PPP4R3B: variants seen among roughly 807,000 people sequenced by gnomAD.
PPP4R3B encodes the protein serine/threonine-protein phosphatase 4 regulatory subunit 3B.
PPP4R3B carries 52 observed loss-of-function variants against 95.4 expected under a neutral mutation model. The ratio of observed to expected loss-of-function variants is 0.54; its 90% confidence interval spans 0.44 to 0.69. The LOEUF (loss-of-function observed/expected upper bound fraction) is 0.69. Ranked by LOEUF, PPP4R3B falls within the 30% of genes least tolerant of loss-of-function variation. The pLI is 0.00. For missense variants in PPP4R3B, 1,003 were observed against 1,005.9 expected, an observed-to-expected ratio of 1.00 and a Z score of 0.04; for synonymous variants, 407 against 343.9, an observed-to-expected ratio of 1.18 and a Z score of -2.03.
At chr2:55,566,808 A>G (rs1209454730) in intron 13 of PPP4R3B, among the ~76,000 whole-genome samples, 1 of 152,104 alleles carries the variant, frequency 6.6e-6, no homozygotes, top group Non-Finnish European at 1.5e-5. Flanking sequence ...GGCGTTTGAG[A>G]CCAGCCTGGG....
intron 1 of PPP4R3B, 91 bp downstream of exon 1, chr2:55,617,053 A>T: frequency 7.0e-7 from 1 of 1,436,090 alleles, no homozygotes; most frequent in Non-Finnish European, 9.4e-7. Context: ...GTCCCGAAGG[A>T]GTAGCAACGG....
intron 13 of PPP4R3B, 76 bp from the exon 14 acceptor site, chr2:55,565,117 T>C (rs1057424192): frequency 3.3e-6 from 4 of 1,228,464 alleles, no homozygotes; most frequent in Non-Finnish European, 3.3e-6. Flanking sequence ...TTTTGTTTTG[T>C]AGTTCTAAAG....
intron 4 of PPP4R3B, among the ~76,000 whole-genome samples, chr2:55,593,786 C>T (rs958206722): frequency 6.6e-6 from 1 of 152,030 alleles, no homozygotes; most frequent in African/African-American, 2.4e-5. Context: ...TATTTCTTTC[C>T]TTTTCACACA....
At chr2:55,613,461 T>TAATGC (rs1402837680) in intron 2 of PPP4R3B, among the ~76,000 whole-genome samples, 2 of 152,090 alleles carry the variant, frequency 1.3e-5, no homozygotes, top group Non-Finnish European at 2.9e-5. Flanking sequence ...TTTTTTTAAA[T>TAATGC]AATGCATTTT....
chr2:55,578,254 G>C lies in PPP4R3B; in HGVS notation c.1557C>G (p.Ile519Met). ...SHSHSTPSSS[I>M]SQDNIVGSNK... The stretch of plus-strand genomic sequence containing the variant: ...ACTCCAAATTCAGCATACCTTGAGA[G>C]ATGGAGGAAGAGGGGGTAGAATGGG... The change falls in exon 10 of 17, where the codon ATC (isoleucine) becomes ATG (methionine). Residue 519 changes from isoleucine (I) to methionine (M), a missense_variant. Coordinates refer to ENST00000616407, the MANE Select transcript of PPP4R3B (RefSeq NM_001122964.3). The C allele has an allele frequency of 6.8e-7, 1 of 1,463,070 alleles. No individual in the cohort carries two copies. The highest frequency in any genetic ancestry group is 9.1e-7 in the Non-Finnish European group (1 of 1,103,728). 90.6% of individuals were successfully genotyped at this position (1,463,070 alleles called of 1,614,324 possible).
Position 55,610,980 on chromosome 2 carries a change from C to A in PPP4R3B, c.198+4471G>T, listed in dbSNP as rs372615340. On this transcript the variant is annotated intron_variant, in intron 2 of 16. Coordinates refer to ENST00000616407, the MANE Select transcript of PPP4R3B (RefSeq NM_001122964.3). ...TCCTGGGCTCAAGCAATTCTCCCAC[C>A]TCAGATTCCCAAGCAGCTGGGACTA... Among the ~76,000 whole-genome samples the A allele has an allele frequency of 2.2e-4, 34 of 152,030 alleles. 1 individual carries two copies. In the East Asian group the frequency reaches 4.1e-3, roughly 18 times the overall value.
At chr2:55,586,496 A>G in intron 6 of PPP4R3B, 122 bp downstream of exon 6, 2 of 553,612 alleles carry the variant, frequency 3.6e-6, no homozygotes, top group East Asian at 6.3e-5. Context: ...ATATTCTTGT[A>G]ATTCAATTAA....
intron 7 of PPP4R3B, among the ~76,000 whole-genome samples, chr2:55,583,510 AAC>A (rs1689701110): frequency 6.6e-6 from 1 of 152,220 alleles, no homozygotes; most frequent in Non-Finnish European, 1.5e-5. Flanking sequence ...TCTGAAAGTT[AAC>A]AGTTTACTAA....
chr2:55,594,018 C>T (rs1321524035), intron 4 of PPP4R3B, among the ~76,000 whole-genome samples: 2 of 152,050 alleles, frequency 1.3e-5, no homozygotes, highest in African/African-American at 4.8e-5. Flanking sequence ...TTTGTAGCAA[C>T]ATGAATGGAG....
intron 7 of PPP4R3B, among the ~76,000 whole-genome samples, chr2:55,583,338 G>A (rs1025650095): frequency 1.3e-5 from 2 of 151,632 alleles, no homozygotes; most frequent in Non-Finnish European, 2.9e-5. Context: ...AGAAAATTCA[G>A]GAAAATGAAA....
intron 2 of PPP4R3B, among the ~76,000 whole-genome samples, chr2:55,606,020 C>A (rs1303329788): frequency 6.6e-6 from 1 of 151,476 alleles, no homozygotes; most frequent in Non-Finnish European, 1.5e-5. Context: ...CAGTAAGAAC[C>A]TCCATATATA....
intron 16 of PPP4R3B, among the ~76,000 whole-genome samples, chr2:55,555,672 T>A (rs1288514188): frequency 6.6e-6 from 1 of 152,218 alleles, no homozygotes; most frequent in Non-Finnish European, 1.5e-5. Flanking sequence ...AGTGGTCACA[T>A]ATTGCAGCAA....
At chr2:55,563,661 G>A (rs750772230) in intron 15 of PPP4R3B, among the ~76,000 whole-genome samples, 13 of 152,166 alleles carry the variant, frequency 8.5e-5, no homozygotes, top group Admixed American at 5.9e-4. Flanking sequence ...GACGTGAGCC[G>A]CCATGCCCAG....
intron 12 of PPP4R3B, among the ~76,000 whole-genome samples, chr2:55,570,003 A>G (rs1687804153): frequency 6.6e-6 from 1 of 152,184 alleles, no homozygotes; most frequent in Non-Finnish European, 1.5e-5. Context: ...TTGCCTTGAA[A>G]AAAACATTTG....
chr2:55,604,015 T>G lies in PPP4R3B; in HGVS notation c.260A>C (p.Lys87Thr). 1 of 1,611,144 alleles carries G rather than the reference T, an allele frequency of 6.2e-7. No homozygotes were observed. The highest frequency in any genetic ancestry group is 8.5e-7 in the Non-Finnish European group (1 of 1,178,920). ...TTCCCAGATCTCATCACAGCCAGCT[T>G]TCTCCTGAAAACTCAGAGCCAAATC... Reference protein sequence around the residue: ...NYDLALSFQEKAGCDEIWEKI... With the variant: ...NYDLALSFQETAGCDEIWEKI... The change falls in exon 3 of 17, where the codon AAA becomes ACA. Residue 87 changes from lysine to threonine, a missense_variant. By Grantham distance (78) the Lys-to-Thr change is moderately conservative (BLOSUM62 -1). This residue lies in a region of PPP4R3B where 695 missense variants were observed against 686.2 expected (regional missense o/e 1.01). Coordinates refer to ENST00000616407, the MANE Select transcript of PPP4R3B (RefSeq NM_001122964.3).
intron 15 of PPP4R3B, among the ~76,000 whole-genome samples, chr2:55,560,778 G>GAAAAAAAA (rs545517387): frequency 1.1e-5 from 1 of 91,418 alleles, no homozygotes; most frequent in African/African-American, 4.6e-5. Flanking sequence ...CTCCATCTCA[G>GAAAAAAAA]AAAAAAAAAA....
chr2:55,570,309 A>ATG (rs1297987386), intron 12 of PPP4R3B, among the ~76,000 whole-genome samples: 9 of 152,202 alleles, frequency 5.9e-5, no homozygotes, highest in African/African-American at 2.2e-4. Context: ...TCATTCTCTT[A>ATG]TGTACCAATT....
intron 11 of PPP4R3B, among the ~76,000 whole-genome samples, chr2:55,574,630 G>C (rs1483607838): frequency 6.7e-6 from 1 of 148,354 alleles, no homozygotes; most frequent in Non-Finnish European, 1.5e-5. Flanking sequence ...GTCTTGCTCT[G>C]TCGCCCAGGC....
chr2:55,591,811 G>A (rs1691068129), intron 4 of PPP4R3B: 1 of 233,964 alleles, frequency 4.3e-6, no homozygotes, highest in Admixed American at 6.5e-5. Flanking sequence ...TATTCATTAA[G>A]CTATAAAAGC....
Sources: allele counts gnomAD v4.1 joint callset (sites outside exome capture counted in the v4.1 genomes callset), GRCh38; gene constraint gnomAD v4.1.1; regional missense constraint gnomAD v4.1.1; transcripts MANE v1.5; gene names NCBI Gene and HGNC (gene_info 2026-07-23, HGNC 2026-07-21).